SAP18: variants seen among roughly 807,000 people sequenced by gnomAD.
The protein encoded by SAP18 is histone deacetylase complex subunit SAP18.
Under a neutral mutation model 18.6 loss-of-function variants are expected in SAP18, and 4 were observed. That is an observed-to-expected ratio of 0.21 (90% CI 0.11 to 0.49). SAP18 has a LOEUF of 0.49. Ranked by LOEUF, SAP18 falls within the 20% of genes least tolerant of loss-of-function variation. The pLI is 0.98. For synonymous variants in SAP18, 112 were observed against 82.8 expected (o/e 1.35, Z -1.92); for missense variants, 170 against 226.4 (o/e 0.75, Z 1.60).
At position 21,141,089 on chromosome 13, in the gene SAP18, C is replaced by A. The variant is rs1024462119; in HGVS notation, c.239+94C>A. ...AGTGTAGAGTTATTCTCCCTGATTTCAATTTCATTTCTCCACTTGGGGCCT... is the reference window on the plus strand; with the variant it reads ...AGTGTAGAGTTATTCTCCCTGATTTAAATTTCATTTCTCCACTTGGGGCCT... On this transcript the variant is annotated intron_variant, in intron 2 of 3. Transcript: ENST00000621421. 10 of 823,662 alleles carry A rather than the reference C, an allele frequency of 1.2e-5. No individual in the cohort carries two copies. The African/African-American group carries it at 1.5e-4, about 12-fold the overall frequency. 51.0% of individuals were successfully genotyped at this position (823,662 alleles called of 1,614,324 possible). A position where few individuals can be genotyped will look rare whatever the true frequency, so the allele number is the denominator to read the frequency against.
chr13:21,140,410 C>G, upstream of SAP18: 1 of 891,488 alleles, frequency 1.1e-6, no homozygotes, highest in Non-Finnish European at 1.7e-6. Context: ...CGTCAGCACC[C>G]GCCTTTTCCC....
chr13:21,141,392 A>G (rs1869459799), intron 2 of SAP18: 1 of 210,054 alleles, frequency 4.8e-6, no homozygotes, highest in African/African-American at 2.3e-5. Context: ...TTATTCTCAA[A>G]GAGCATTTCC....
chr13:21,146,459 A>G (rs1869654351), intron 2 of SAP18: 1 of 169,748 alleles, frequency 5.9e-6, no homozygotes, highest in Non-Finnish European at 1.3e-5. Flanking sequence ...AATGGGATAC[A>G]TCTATTTTGC....
In SAP18 at chr13:21,144,273, C is replaced by T. The variant is rs373874028; in HGVS notation, c.240-2532C>T. 4.9e-4 allele frequency among the ~76,000 whole-genome samples: 75 copies of T among 151,928 alleles called. No homozygotes were observed. In the East Asian group the frequency reaches 0.011, roughly 22 times the overall value. ...TACAAAAATTAGCCAGGCATGGTGG[C>T]GGGTGCCTGTAATCCCAACTACTTG... On this transcript the variant is annotated intron_variant, in intron 2 of 3. Transcript: ENST00000621421.
chr13:21,141,680 T>A (rs1407107796), intron 2 of SAP18: 2 of 152,182 alleles, frequency 1.3e-5, no homozygotes, highest in East Asian at 3.9e-4. Flanking sequence ...TCTCTATATA[T>A]TTTTGAGACA....
intron 2 of SAP18, among the ~76,000 whole-genome samples, chr13:21,142,772 T>C (rs770507086): frequency 2.0e-4 from 31 of 152,086 alleles, no homozygotes; most frequent in Admixed American, 9.8e-4. Flanking sequence ...AGAGACGGAG[T>C]CTTGCTCTGT....
intron 2 of SAP18, among the ~76,000 whole-genome samples, chr13:21,143,346 ATT>A (rs1869536916): frequency 6.6e-6 from 1 of 152,198 alleles, no homozygotes; most frequent in South Asian, 2.1e-4. Context: ...ATTTTAAACT[ATT>A]TAAGCCCTGT....
intron 3 of SAP18, 29 bp downstream of exon 3, chr13:21,146,956 T>A (rs1869672276): frequency 6.3e-7 from 1 of 1,588,068 alleles, no homozygotes; most frequent in Non-Finnish European, 8.5e-7. Flanking sequence ...TTAAGTCCTG[T>A]AATCTCTTTG....
At chr13:21,148,106 A>G (rs1036870700) in exon 4 of SAP18, 2 of 152,240 alleles carry the variant, frequency 1.3e-5, no homozygotes, top group Non-Finnish European at 1.5e-5. Flanking sequence ...GTGTTCACAC[A>G]TCCTCTTGTG....
exon 1 of SAP18, chr13:21,140,536 C>A (rs1313788363): frequency 3.2e-6 from 5 of 1,569,510 alleles, no homozygotes; most frequent in African/African-American, 1.4e-5. Context: ...CTTCTCCTCG[C>A]GAGAGACTTA....
exon 4 of SAP18, chr13:21,147,244 C>T: frequency 1.2e-6 from 2 of 1,614,138 alleles, no homozygotes; most frequent in South Asian, 1.1e-5. Flanking sequence ...TTCCATGACC[C>T]TGCAGTCGCA....
intron 3 of SAP18, 109 bp from the exon 4 acceptor site, chr13:21,147,077 G>T: frequency 7.0e-7 from 1 of 1,433,628 alleles, no homozygotes; most frequent in Non-Finnish European, 9.5e-7. Flanking sequence ...GTTAAATTTT[G>T]GAAGTGTGTT....
At chr13:21,146,829 G>T (rs764669421) in exon 3 of SAP18, 18 of 1,606,502 alleles carry the variant, frequency 1.1e-5, no homozygotes, top group Non-Finnish European at 1.5e-5. Flanking sequence ...TGAAAGAACT[G>T]ACAAGCTTAG....
exon 1 of SAP18, chr13:21,140,580 G>T (rs777722440): frequency 2.5e-6 from 4 of 1,606,096 alleles, no homozygotes; most frequent in Non-Finnish European, 3.4e-6. Flanking sequence ...CGGAGGTCAG[G>T]GCGAGCGTCT....
rs546682843 is a variant in SAP18 at position 21,141,213 on chromosome 13, G to T, written c.239+218G>T. The T allele has an allele frequency of 2.6e-5, 15 of 577,020 alleles. No homozygotes were observed. In the African/African-American group the frequency reaches 2.8e-4, roughly 11 times the overall value. The allele number at this position is 577,020 out of a possible 1,614,324, so 35.7% of individuals were successfully genotyped here. On this transcript the variant is annotated intron_variant, in intron 2 of 3. Transcript: ENST00000621421. The stretch of plus-strand genomic sequence containing the variant: ...TTGTGATTAATGTTGCAACTTTTGG[G>T]CGGTTAAGAATGGACAGACCCAAGA...
At chr13:21,148,405 G>C (rs1046997470) in exon 4 of SAP18, 2 of 152,074 alleles carry the variant, frequency 1.3e-5, no homozygotes, top group Non-Finnish European at 2.9e-5. Flanking sequence ...CTCTCATTTT[G>C]AAGTTTATGA....
At chr13:21,143,620 C>G (rs1320802516) in intron 2 of SAP18, among the ~76,000 whole-genome samples, 1 of 152,128 alleles carries the variant, frequency 6.6e-6, no homozygotes, top group Admixed American at 6.5e-5. Context: ...GGTATAAAGT[C>G]AAGACGGTAC....
rs146914587 is a variant in SAP18 at position 21,146,188 on chromosome 13, A to C, written c.240-617A>C. Among the ~76,000 whole-genome samples the C allele has an allele frequency of 9.5e-3, 1,451 of 152,262 alleles. 25 individuals carry two copies. Among genetic ancestry groups the C allele is most frequent in the African/African-American group, 0.033 (1,371 of 41,552 alleles). ...ATGGTGAAACCCTGTCTCTACTAAA[A>C]ATAGAAAAATTACCTGGGCGTGGTG... is the stretch of plus-strand genomic sequence containing the variant. On this transcript the variant is annotated intron_variant, in intron 2 of 3. Coordinates refer to ENST00000621421, the Ensembl canonical transcript of SAP18.
At chr13:21,146,747 T>G in intron 2 of SAP18, 58 bp from the exon 3 acceptor site, 1 of 1,390,984 alleles carries the variant, frequency 7.2e-7, no homozygotes, top group Non-Finnish European at 9.8e-7. Flanking sequence ...TAGTATCCCT[T>G]TTAATATTAT....
Sources: gnomAD v4.1 joint callset for allele counts (sites outside exome capture counted in the v4.1 genomes callset) on GRCh38, gnomAD v4.1.1 for gene constraint, MANE v1.5 for transcripts, NCBI Gene and HGNC (gene_info 2026-07-23, HGNC 2026-07-21) for gene names.